Variants in SASS6 observed in about 807,000 individuals in gnomAD.
SASS6 encodes the protein SAS-6 centriolar assembly protein.
Under a neutral mutation model 94.9 loss-of-function variants are expected in SASS6, and 59 were observed. That is an observed-to-expected ratio of 0.62 (90% confidence interval 0.50 to 0.77). The LOEUF (loss-of-function observed/expected upper bound fraction) is 0.77. SASS6 is among the 30% of genes least tolerant of loss of function. The pLI is 0.00. For missense variants in SASS6, 698 were observed against 734.1 expected, an observed-to-expected ratio of 0.95 and a Z score of 0.57; for synonymous variants, 264 against 270.0, an observed-to-expected ratio of 0.98 and a Z score of 0.22.
rs142849588 is a variant in SASS6, at chr1:100,122,793, C to T, written c.207-309G>A. Among the ~76,000 whole-genome samples the T allele has an allele frequency of 8.7e-3, 1,317 of 152,072 alleles. 12 individuals carry two copies. Among genetic ancestry groups the T allele is most frequent in the Non-Finnish European group, 0.014 (925 of 67,964 alleles). ...GTCTCGAACTTCTGACCTCATGATCCGCCCTCTTCGGCCGCCCAAAGTGCT... is the reference window on the plus strand; with the variant it reads ...GTCTCGAACTTCTGACCTCATGATCTGCCCTCTTCGGCCGCCCAAAGTGCT... On this transcript the variant is annotated intron_variant, in intron 3 of 16. Transcript: ENST00000287482.
chr1:100,110,106 A>G (rs1041229703), intron 8 of SASS6, among the ~76,000 whole-genome samples, 186 bp downstream of exon 8: 3 of 152,014 alleles, frequency 2.0e-5, no homozygotes, highest in Admixed American at 6.6e-5. Context: ...AGCTTACCTC[A>G]GTTCTGTTAT....
rs572173728 is a variant in SASS6, at chr1:100,123,261, G to A, written c.155C>T (p.Thr52Met). The A allele has an allele frequency of 2.6e-5, 40 of 1,557,794 alleles. No individual in the cohort carries two copies. Among genetic ancestry groups the A allele is most frequent in the South Asian group, 2.5e-4 (22 of 86,532 alleles). Residue 52 changes from threonine (T) to methionine (M), a missense_variant, in exon 3 of 17, where the codon ACG (threonine) becomes ATG (methionine). By Grantham distance (81) the Thr-to-Met change is moderately conservative (BLOSUM62 -1). Transcript: ENST00000287482. The part of the protein sequence containing the change: ...KDLVIRLTDD[T>M]DPFFLYNLVI... Reference sequence around the variant, plus strand: ...AAGGTTATATAAAAAAAATGGATCCGTGTCATCAGTCAGACGAATAACTAA... The same window carrying A: ...AAGGTTATATAAAAAAAATGGATCCATGTCATCAGTCAGACGAATAACTAA...
intron 14 of SASS6, among the ~76,000 whole-genome samples, chr1:100,092,820 G>A (rs962308687): frequency 1.3e-5 from 2 of 151,882 alleles, no homozygotes; most frequent in African/African-American, 2.4e-5. Flanking sequence ...TGTGATCCAC[G>A]TGCCTCGGCC....
chr1:100,113,567 G>C (rs963306052), intron 7 of SASS6, among the ~76,000 whole-genome samples: 5 of 151,026 alleles, frequency 3.3e-5, no homozygotes, highest in Non-Finnish European at 5.9e-5. Flanking sequence ...CTTTCAGTGA[G>C]TTGAGATCAT....
intron 14 of SASS6, among the ~76,000 whole-genome samples, chr1:100,090,008 C>G (rs899467586): frequency 3.5e-4 from 53 of 151,458 alleles, no homozygotes; most frequent in African/African-American, 1.3e-3. Context: ...TCTTATTTTA[C>G]ATGGGAAGTA....
intron 14 of SASS6, among the ~76,000 whole-genome samples, chr1:100,101,748 G>A (rs1386203578): frequency 6.6e-6 from 1 of 152,040 alleles, no homozygotes; most frequent in Non-Finnish European, 1.5e-5. Flanking sequence ...CCAGTTATAT[G>A]CATCTAAGTA....
intron 13 of SASS6, among the ~76,000 whole-genome samples, chr1:100,105,535 A>G (rs1652837246): frequency 6.6e-6 from 1 of 152,084 alleles, no homozygotes; most frequent in Non-Finnish European, 1.5e-5. Context: ...TCAAAAAAAA[A>G]ACAAAACAAA....
chr1:100,131,524 A>C (rs936165363), intron 1 of SASS6, among the ~76,000 whole-genome samples: 9 of 152,230 alleles, frequency 5.9e-5, no homozygotes, highest in African/African-American at 2.2e-4. Flanking sequence ...AGTCTTAAAA[A>C]TCCAACGTGC....
chr1:100,121,604 C>T, intron 4 of SASS6, 55 bp from the exon 5 acceptor site: 2 of 984,734 alleles, frequency 2.0e-6, no homozygotes, highest in East Asian at 2.5e-5. Context: ...GAAAATCTCT[C>T]ACTGAATCAG....
At chr1:100,106,746 TGGG>T (rs766718326) in intron 12 of SASS6, among the ~76,000 whole-genome samples, 163 bp downstream of exon 12, 1 of 151,876 alleles carries the variant, frequency 6.6e-6, no homozygotes, top group African/African-American at 2.4e-5. Context: ...CCCAGCTACT[TGGG>T]GGGCTGAGGC....
chr1:100,128,336 C>T (rs979676325), intron 1 of SASS6, among the ~76,000 whole-genome samples: 3 of 152,190 alleles, frequency 2.0e-5, no homozygotes, highest in Non-Finnish European at 4.4e-5. Context: ...TGCACCTAGA[C>T]GGTGTTTTAC....
intron 1 of SASS6, among the ~76,000 whole-genome samples, chr1:100,126,191 T>G (rs1203284913): frequency 6.6e-6 from 1 of 152,208 alleles, no homozygotes; most frequent in Admixed American, 6.5e-5. Context: ...TCGTGAGGAT[T>G]AAATGAAATA....
intron 14 of SASS6, among the ~76,000 whole-genome samples, chr1:100,095,261 C>T (rs1652031548): frequency 6.6e-6 from 1 of 152,182 alleles, no homozygotes; most frequent in Non-Finnish European, 1.5e-5. Context: ...GGTGCAGTGG[C>T]CTACACCTGT....
chr1:100,121,592 G>C, intron 4 of SASS6, 43 bp from the exon 5 acceptor site: 1 of 1,112,290 alleles, frequency 9.0e-7, no homozygotes, highest in Non-Finnish European at 1.3e-6. Flanking sequence ...TTAAGAGATA[G>C]TGAAAATCTC....
chr1:100,115,358 G>A (rs983576098), intron 7 of SASS6, among the ~76,000 whole-genome samples: 1 of 151,934 alleles, frequency 6.6e-6, no homozygotes, highest in African/African-American at 2.4e-5. Flanking sequence ...TAACAAGACT[G>A]CAAAAGAAAA....
intron 7 of SASS6, among the ~76,000 whole-genome samples, chr1:100,112,660 C>T (rs1653437415): frequency 6.6e-6 from 1 of 152,104 alleles, no homozygotes; most frequent in African/African-American, 2.4e-5. Context: ...TTTGTAGAAA[C>T]CATCAGTAAT....
At chr1:100,125,752 C>T (rs1307053569) in intron 2 of SASS6, 130 bp downstream of exon 2, 2 of 630,388 alleles carry the variant, frequency 3.2e-6, no homozygotes, top group Non-Finnish European at 5.6e-6. Context: ...CCTTGATTTC[C>T]AACAGTTGCA....
Position 100,122,426 on chromosome 1 carries a change from C to G in SASS6, c.265G>C (p.Asp89His). Residue 89 changes from aspartate (D) to histidine (H), a missense_variant, in exon 4 of 17, where the codon GAT (aspartate) becomes CAT (histidine). By Grantham distance (81) the Asp-to-His change is moderately conservative. Transcript: ENST00000287482. ...TCTTGAGTACATTGCTGAAGGAGAT[C>G]TATAAATTTTTGTGGGAAAGCTAAG... is the stretch of plus-strand genomic sequence containing the variant. ...DFLAFPQKFI[D>H]LLQQCTQEHA... 6.3e-7 allele frequency: 1 copy of G among 1,585,462 alleles called. No homozygotes were observed. Among genetic ancestry groups the G allele is most frequent in the African/African-American group, 1.3e-5 (1 of 74,178 alleles).
intron 14 of SASS6, among the ~76,000 whole-genome samples, chr1:100,092,076 A>G (rs1466007712): frequency 6.6e-6 from 1 of 151,154 alleles, no homozygotes; most frequent in African/African-American, 2.4e-5. Context: ...ATTTGGGAAA[A>G]GGTTCACCAA....
Sources: gnomAD v4.1 joint callset for allele counts (sites outside exome capture counted in the v4.1 genomes callset) on GRCh38, gnomAD v4.1.1 for gene constraint, MANE v1.5 for transcripts, NCBI Gene and HGNC (gene_info 2026-07-23, HGNC 2026-07-21) for gene names.